IL4R: variants seen among roughly 807,000 people sequenced by gnomAD.
The protein encoded by IL4R is interleukin-4 receptor subunit alpha.
IL4R carries 17 observed loss-of-function variants against 41.5 expected under a neutral mutation model. That is an observed-to-expected ratio of 0.41 (90% confidence interval 0.28 to 0.61). IL4R has a LOEUF of 0.61. IL4R is among the 20% of genes least tolerant of loss of function. IL4R has a pLI of 0.31. For missense variants in IL4R, 974 were observed against 1,043.1 expected (o/e 0.93, Z 0.91); for synonymous variants, 402 against 422.9 (o/e 0.95, Z 0.61).
intron 2 of IL4R, among the ~76,000 whole-genome samples, chr16:27,335,030 C>G (rs1007336084): frequency 6.6e-6 from 1 of 152,108 alleles, no homozygotes; most frequent in Admixed American, 6.5e-5. Context: ...TCCTTTGCAC[C>G]CCTGGCACTT....
At chr16:27,360,963 G>T in intron 10 of IL4R, 148 bp downstream of exon 10, 1 of 1,532,596 alleles carries the variant, frequency 6.5e-7, no homozygotes, top group Non-Finnish European at 8.8e-7. Context: ...GCAGGAGGAG[G>T]GGTGTTCTGG....
intron 2 of IL4R, among the ~76,000 whole-genome samples, chr16:27,333,888 CT>C (rs11334116): frequency 0.35 from 51,785 of 147,442 alleles, 9,388 homozygotes; most frequent in East Asian, 0.51. Context: ...TCAGGAATCT[CT>C]TTTTTTTTTT....
At chr16:27,323,594 A>G (rs139883448) in intron 1 of IL4R, among the ~76,000 whole-genome samples, 7 of 151,626 alleles carry the variant, frequency 4.6e-5, no homozygotes, top group African/African-American at 1.7e-4. Flanking sequence ...GATGATATTA[A>G]TTGTATCTGC....
At chr16:27,325,621 A>G (rs1218500010) in intron 1 of IL4R, among the ~76,000 whole-genome samples, 1 of 152,066 alleles carries the variant, frequency 6.6e-6, no homozygotes, top group East Asian at 1.9e-4. Context: ...TTTAATAATT[A>G]TACTTATCTC....
intron 2 of IL4R, among the ~76,000 whole-genome samples, chr16:27,338,470 T>C (rs1275137088): frequency 6.6e-6 from 1 of 151,540 alleles, no homozygotes; most frequent in Non-Finnish European, 1.5e-5. Context: ...CCTCCCTCCT[T>C]AGCCTCCCAA....
At chr16:27,318,318 C>T (rs1293152766) in intron 1 of IL4R, among the ~76,000 whole-genome samples, 1 of 152,134 alleles carries the variant, frequency 6.6e-6, no homozygotes, top group African/African-American at 2.4e-5. Flanking sequence ...TGTCTGGCCC[C>T]CAGGATTTTA....
chr16:27,338,451 T>C (rs1161761916), intron 2 of IL4R, among the ~76,000 whole-genome samples: 1 of 151,664 alleles, frequency 6.6e-6, no homozygotes, highest in African/African-American at 2.4e-5. Flanking sequence ...ACTCCTGGGC[T>C]CAAGCCATCC....
intron 1 of IL4R, among the ~76,000 whole-genome samples, chr16:27,323,560 C>T (rs547396831): frequency 6.6e-6 from 1 of 152,264 alleles, no homozygotes; most frequent in Non-Finnish European, 1.5e-5. Flanking sequence ...CTCTGGGCCT[C>T]GGCTTCTCCA....
chr16:27,340,070 A>T, intron 2 of IL4R, 116 bp from the exon 3 acceptor site: 1 of 692,536 alleles, frequency 1.4e-6, no homozygotes, highest in Non-Finnish European at 2.5e-6. Context: ...AAAACAAACA[A>T]ACAAGCAAAC....
At chr16:27,342,478 C>T (rs942742363) in intron 4 of IL4R, among the ~76,000 whole-genome samples, 1 of 152,030 alleles carries the variant, frequency 6.6e-6, no homozygotes, top group Non-Finnish European at 1.5e-5. Flanking sequence ...CACATGGATA[C>T]GGCTGGAATA....
rs3024641 is a variant in IL4R, at chr16:27,356,253, G to A, written c.770+346G>A. Among the ~76,000 whole-genome samples, 895 of 151,900 alleles carry A rather than the reference G, an allele frequency of 5.9e-3. 7 individuals are homozygous for A. Among genetic ancestry groups the A allele is most frequent in the Non-Finnish European group, 0.011 (717 of 67,946 alleles). On this transcript the variant is annotated intron_variant, in intron 8 of 10. Transcript: ENST00000395762. ...ATTACAGGCGCATGCCACTATGCCC[G>A]GCTAATTTTTTGTATTTTTGGTAGA...
intron 1 of IL4R, among the ~76,000 whole-genome samples, chr16:27,322,272 T>A (rs2084836493): frequency 6.6e-6 from 1 of 152,184 alleles, no homozygotes; most frequent in African/African-American, 2.4e-5. Flanking sequence ...AGGATTTTTA[T>A]ACCTTTTTGG....
intron 1 of IL4R, among the ~76,000 whole-genome samples, chr16:27,324,272 C>T (rs1031348553): frequency 3.4e-5 from 4 of 119,308 alleles, no homozygotes; most frequent in South Asian, 2.5e-4. Context: ...GTCAGGGCCC[C>T]GAGGTGGCTG....
At position 27,352,624 on chromosome 16, in the gene IL4R, CG is replaced by C. The variant is rs1567328659; in HGVS notation, c.601del (p.Val201Ter). On this transcript the variant is annotated frameshift_variant, in exon 7 of 11. Coordinates refer to ENST00000395762, the MANE Select transcript of IL4R (RefSeq NM_000418.4). LOFTEE classifies it high-confidence loss of function. ...GAAGTCTGGGATTTCCTACAGGGCA[CG>C]GGTGAGGGCCTGGGCTCAGTGCTAT... ...TLKSGISYRARVRAWAQCYNT... is the reference protein window; with the variant it reads ...TLKSGISYRAXVRAWAQCYNT... 1 of 1,614,132 alleles carries C rather than the reference CG, an allele frequency of 6.2e-7. No individual in the cohort carries two copies. Among genetic ancestry groups the C allele is most frequent in the Admixed American group, 1.7e-5 (1 of 60,016 alleles).
chr16:27,347,605 C>T, intron 6 of IL4R, among the ~76,000 whole-genome samples: 1 of 152,164 alleles, frequency 6.6e-6, no homozygotes, highest in South Asian at 2.1e-4. Context: ...GGCTGAGTCC[C>T]CCTATTTTTC....
At chr16:27,355,380 A>G (rs760487779) in intron 7 of IL4R, 21 of 284,194 alleles carry the variant, frequency 7.4e-5, no homozygotes, top group Non-Finnish European at 1.3e-4. Context: ...TGCATTATCT[A>G]TTGATTCATC....
intron 6 of IL4R, among the ~76,000 whole-genome samples, chr16:27,352,140 G>A (rs1326361345): frequency 1.3e-5 from 2 of 152,180 alleles, no homozygotes; most frequent in Non-Finnish European, 2.9e-5. Flanking sequence ...AACCCTGCGG[G>A]AAGGGAGATA....
At chr16:27,340,379 A>G (rs1596809613) in intron 3 of IL4R, 106 bp downstream of exon 3, 1 of 782,622 alleles carries the variant, frequency 1.3e-6, no homozygotes, top group Non-Finnish European at 2.2e-6. Flanking sequence ...GTGGGAGGGG[A>G]CAGCCAATGA....
In IL4R at chr16:27,350,131, G is replaced by A. The variant is rs368877627; in HGVS notation, c.514-2409G>A. Among the ~76,000 whole-genome samples the A allele has an allele frequency of 4.6e-5, 7 of 152,270 alleles. No homozygotes were observed. The East Asian group carries it at 9.7e-4, about 21-fold the overall frequency. ...CCCATGGACATTTCTCTCAGAGATG[G>A]TCTCCCAAACACCTGTCCTTCTTGT... On this transcript the variant is annotated intron_variant, in intron 6 of 10. Coordinates refer to ENST00000395762, the MANE Select transcript of IL4R (RefSeq NM_000418.4).
Sources: allele counts gnomAD v4.1 joint callset (sites outside exome capture counted in the v4.1 genomes callset), GRCh38; gene constraint gnomAD v4.1.1; transcripts MANE v1.5; gene names NCBI Gene and HGNC (gene_info 2026-07-23, HGNC 2026-07-21).